Variants in CTNND2 observed in about 807,000 individuals in gnomAD.
The protein encoded by CTNND2 is catenin delta-2.
A neutral mutation model predicts 144.4 loss-of-function variants in CTNND2; 22 were observed. The observed-to-expected ratio is 0.15, with a 90% CI of 0.11 to 0.22. The LOEUF is 0.22. Among genes scored for constraint, CTNND2 ranks in the 10% least tolerant of loss-of-function variants. CTNND2 has a pLI of 1.00. For synonymous variants in CTNND2, 751 were observed against 695.6 expected (o/e 1.08, Z -1.25); for missense variants, 1,353 against 1,618.8 (o/e 0.84, Z 2.82).
chr5:11,114,509 G>C (rs1307384986), intron 13 of CTNND2, among the ~76,000 whole-genome samples: 1 of 152,204 alleles, frequency 6.6e-6, no homozygotes, highest in Admixed American at 6.5e-5. Flanking sequence ...TCTCTAAGGG[G>C]ATAAGGAGAA....
chr5:11,442,155 C>T (rs937508454), intron 3 of CTNND2, among the ~76,000 whole-genome samples: 1 of 152,134 alleles, frequency 6.6e-6, no homozygotes, highest in African/African-American at 2.4e-5. Context: ...GTGGGCATTT[C>T]ATTGTATTTT....
intron 3 of CTNND2, among the ~76,000 whole-genome samples, chr5:11,423,062 T>G (rs115044196): frequency 0.017 from 2,647 of 152,338 alleles, 40 homozygotes; most frequent in Non-Finnish European, 0.028. Context: ...TGTATCATAG[T>G]ATCTTTGCCA....
chr5:11,112,459 A>G (rs1753099149), intron 13 of CTNND2, among the ~76,000 whole-genome samples: 1 of 152,218 alleles, frequency 6.6e-6, no homozygotes, highest in African/African-American at 2.4e-5. Flanking sequence ...AAGAGCCTCA[A>G]GAAGGTAAGC....
chr5:11,485,345 C>CTGTGTGTGTGTGTGTGTGTGTG (rs375624492), intron 3 of CTNND2, among the ~76,000 whole-genome samples: 4 of 148,736 alleles, frequency 2.7e-5, no homozygotes, highest in African/African-American at 1.0e-4. Context: ...GAGACAGAGA[C>CTGTGTGTGTGTGTGTGTGTGTG]TGTGTGTGTG....
chr5:11,818,022 A>G (rs1255985853), intron 1 of CTNND2, among the ~76,000 whole-genome samples: 31 of 127,082 alleles, frequency 2.4e-4, no homozygotes, highest in African/African-American at 8.9e-4. Context: ...CCTCCATCCA[A>G]TATCAAAGCC....
At position 11,207,236 on chromosome 5, in the gene CTNND2, G is replaced by C. The variant is rs571240878; in HGVS notation, c.1762-7575C>G. ...GAACATCACACACTGGGGCCTGTTG[G>C]GGGGTGTGGGGCTTGCGGAGGGATA... On this transcript the variant is annotated intron_variant, in intron 10 of 21. Coordinates refer to ENST00000304623, the MANE Select transcript of CTNND2 (RefSeq NM_001332.4). Among the ~76,000 whole-genome samples, 4 of 152,158 alleles carry C rather than the reference G, an allele frequency of 2.6e-5. No homozygotes were observed. The South Asian group carries it at 6.2e-4, about 24-fold the overall frequency.
intron 16 of CTNND2, among the ~76,000 whole-genome samples, chr5:11,025,281 T>G (rs1025323225): frequency 1.3e-5 from 2 of 152,242 alleles, no homozygotes; most frequent in African/African-American, 4.8e-5. Context: ...ACAATTCTTT[T>G]TTAGCCTTTG....
chr5:11,332,173 G>A (rs1308391259), intron 9 of CTNND2, among the ~76,000 whole-genome samples: 1 of 151,846 alleles, frequency 6.6e-6, no homozygotes, highest in Non-Finnish European at 1.5e-5. Context: ...TACTTGGGAG[G>A]CTGAGGCAGG....
chr5:11,339,786 GAC>G (rs1240159722), intron 9 of CTNND2, among the ~76,000 whole-genome samples: 1 of 152,266 alleles, frequency 6.6e-6, no homozygotes, highest in South Asian at 2.1e-4. Flanking sequence ...GCCCTCACTA[GAC>G]ACACAGTCTG....
intron 3 of CTNND2, among the ~76,000 whole-genome samples, chr5:11,443,225 ATGTGTGTGTGATGTGTG>A (rs1581207202): frequency 1.9e-5 from 1 of 52,522 alleles, no homozygotes; most frequent in Admixed American, 2.2e-4. Flanking sequence ...TGTGGTGTGT[ATGTGTGTGTGATGTGTG>A]TGTGTGTGTG....
At chr5:11,548,128 C>A (rs920185792) in intron 3 of CTNND2, among the ~76,000 whole-genome samples, 1 of 152,152 alleles carries the variant, frequency 6.6e-6, no homozygotes, top group Admixed American at 6.5e-5. Context: ...CAGCAAAAAG[C>A]AAGGTGTAAA....
At chr5:11,884,939 C>T (rs1582065109) in intron 1 of CTNND2, among the ~76,000 whole-genome samples, 2 of 151,722 alleles carry the variant, frequency 1.3e-5, no homozygotes, top group Non-Finnish European at 3.0e-5. Flanking sequence ...TTGTCCATTC[C>T]GTTGATGTGA....
rs908532557 is a variant in CTNND2, at chr5:11,817,721, G to A, written c.38-85449C>T. 1.4e-4 allele frequency among the ~76,000 whole-genome samples: 22 copies of A among 152,072 alleles called. 1 individual carries two copies. Among genetic ancestry groups the A allele is most frequent in the African/African-American group, 1.9e-4 (8 of 41,398 alleles). ...ACGCTCTGTCTCCACAGGTTACGGCGGGGATGGGATGCGAGTCCACTCACA... is the reference window on the plus strand; with the variant it reads ...ACGCTCTGTCTCCACAGGTTACGGCAGGGATGGGATGCGAGTCCACTCACA... On this transcript the variant is annotated intron_variant, in intron 1 of 21. Transcript: ENST00000304623.
chr5:11,580,119 C>T (rs1005167173), intron 2 of CTNND2, among the ~76,000 whole-genome samples: 1 of 144,218 alleles, frequency 6.9e-6, no homozygotes, highest in African/African-American at 2.7e-5. Context: ...TAAACTTAGG[C>T]CATTTTTTTT....
intron 3 of CTNND2, among the ~76,000 whole-genome samples, chr5:11,456,148 C>T (rs539019127): frequency 2.0e-5 from 3 of 152,274 alleles, no homozygotes; most frequent in South Asian, 4.1e-4. Context: ...ATTACCATCA[C>T]TTATTTATCA....
At chr5:11,714,673 G>A (rs751647716) in intron 2 of CTNND2, among the ~76,000 whole-genome samples, 8 of 152,022 alleles carry the variant, frequency 5.3e-5, no homozygotes, top group Admixed American at 1.3e-4. Flanking sequence ...TTGGGAGGCC[G>A]AGGCGGGCGG....
chr5:11,154,368 T>C (rs1580436915), intron 12 of CTNND2, among the ~76,000 whole-genome samples: 1 of 152,224 alleles, frequency 6.6e-6, no homozygotes, highest in African/African-American at 2.4e-5. Context: ...GAACCTTCTT[T>C]GGCCGAGACA....
intron 1 of CTNND2, among the ~76,000 whole-genome samples, chr5:11,839,236 G>C (rs568239153): frequency 6.6e-6 from 1 of 152,052 alleles, no homozygotes; most frequent in Middle Eastern, 3.4e-3. Context: ...TAATTACCCA[G>C]AGAACTGAAG....
chr5:10,973,585 G>A lies in CTNND2; in HGVS notation c.3546C>T (p.Ala1182=). ...GACCCAGGTGCATGGTGTACTCGCT[G>A]GCGGGAGGGCGATGGTGGACCTGGT... ...FEDQVHHRPP[A]SEYTMHLGLK... The change falls in exon 22 of 22, where the codon GCC becomes GCT. Residue 1182 remains alanine, a synonymous_variant. Transcript: ENST00000304623. This position sits in a 1 kb window ranked among gnomAD's most constrained non-coding sequence, Gnocchi z 5.6. The A allele has an allele frequency of 6.2e-7, 1 of 1,614,162 alleles. No individual in the cohort carries two copies. The highest frequency in any genetic ancestry group is 2.2e-5 in the East Asian group (1 of 44,868).
Sources: gnomAD v4.1 joint callset for allele counts (sites outside exome capture counted in the v4.1 genomes callset) on GRCh38, gnomAD v4.1.1 for gene constraint, Gnocchi (gnomAD v3.1) non-coding constraint, MANE v1.5 for transcripts, NCBI Gene and HGNC (gene_info 2026-07-23, HGNC 2026-07-21) for gene names.